The following SLC25A17 variants were observed in gnomAD, a reference collection of about 807,000 sequenced individuals.
SLC25A17 encodes the protein solute carrier family 25 member 17.
Under a neutral mutation model 38.5 loss-of-function variants are expected in SLC25A17, and 26 were observed. That is an observed-to-expected ratio of 0.68 (90% confidence interval 0.50 to 0.94). SLC25A17 has a LOEUF of 0.94. SLC25A17 is among the 40% of genes least tolerant of loss of function. The pLI is 0.00. For missense variants in SLC25A17, 333 were observed against 372.7 expected (o/e 0.89, Z 0.88); for synonymous variants, 139 against 136.2 (o/e 1.02, Z -0.14).
intron 1 of SLC25A17, among the ~76,000 whole-genome samples, chr22:40,815,326 T>C (rs949140097): frequency 1.3e-5 from 2 of 152,152 alleles, no homozygotes; most frequent in African/African-American, 2.4e-5. Context: ...AAACTGGCCA[T>C]GGGCTGGAGG....
intron 4 of SLC25A17, among the ~76,000 whole-genome samples, chr22:40,784,826 T>C (rs1437807881): frequency 6.6e-6 from 1 of 150,478 alleles, no homozygotes; most frequent in Admixed American, 6.6e-5. Context: ...AAAAATAACC[T>C]TGAAGGTTTC....
intron 1 of SLC25A17, among the ~76,000 whole-genome samples, chr22:40,811,513 T>C (rs2057581171): frequency 1.3e-5 from 2 of 152,038 alleles, no homozygotes; most frequent in Admixed American, 6.6e-5. Context: ...CACTGCAACC[T>C]TGGCTTCCCA....
At chr22:40,793,862 C>T (rs770674354) in intron 3 of SLC25A17, among the ~76,000 whole-genome samples, 46 of 152,132 alleles carry the variant, frequency 3.0e-4, no homozygotes, top group Non-Finnish European at 4.0e-4. Flanking sequence ...CCGCCTGCCT[C>T]GGCCTCCCAA....
intron 1 of SLC25A17, among the ~76,000 whole-genome samples, chr22:40,801,544 T>C (rs914619113): frequency 6.6e-6 from 1 of 152,156 alleles, no homozygotes; most frequent in African/African-American, 2.4e-5. Flanking sequence ...TCTTTTCTAG[T>C]CATGATAAAT....
intron 1 of SLC25A17, among the ~76,000 whole-genome samples, chr22:40,803,613 T>C (rs77400548): frequency 0.012 from 1,877 of 151,936 alleles, 43 homozygotes; most frequent in African/African-American, 0.044. Flanking sequence ...TTAACACAGA[T>C]ATGCAGAGGT....
At chr22:40,792,444 C>A in intron 4 of SLC25A17, 81 bp downstream of exon 4, 1 of 1,159,668 alleles carries the variant, frequency 8.6e-7, no homozygotes, top group Non-Finnish European at 1.2e-6. Context: ...GTAAGCATTA[C>A]TTTGGGCTAA....
At chr22:40,796,407 G>A (rs2145681753) in intron 2 of SLC25A17, among the ~76,000 whole-genome samples, 1 of 152,148 alleles carries the variant, frequency 6.6e-6, no homozygotes, top group South Asian at 2.1e-4. Context: ...GGGAGGCTGA[G>A]GTGGGTGGAT....
intron 8 of SLC25A17, among the ~76,000 whole-genome samples, chr22:40,771,847 A>G (rs1224256591): frequency 6.6e-6 from 1 of 152,182 alleles, no homozygotes; most frequent in Non-Finnish European, 1.5e-5. Flanking sequence ...AAAAATAACT[A>G]AAAGAGTATA....
At position 40,819,232 on chromosome 22, in the gene SLC25A17, G is replaced by A. The variant is rs766757571; in HGVS notation, c.17C>T (p.Ser6Phe). 2 of 1,613,796 alleles carry A rather than the reference G, an allele frequency of 1.2e-6. No individual in the cohort carries two copies. The highest frequency in any genetic ancestry group is 1.1e-5 in the South Asian group (1 of 91,074). Residue 6 changes from serine to phenylalanine, a missense_variant, in exon 1 of 9, where the codon TCC becomes TTC. By Grantham distance (155) the Ser-to-Phe change is radical. Coordinates refer to ENST00000435456, the MANE Select transcript of SLC25A17 (RefSeq NM_006358.4). MASVL[S>F]YESLVHAVAG... ...CACGGCGTGGACCAGGCTTTCGTAG[G>A]ACAGCACGGAAGCCATTGGTGCGGC...
chr22:40,809,367 C>T (rs1336310129), intron 1 of SLC25A17, among the ~76,000 whole-genome samples: 1 of 151,832 alleles, frequency 6.6e-6, no homozygotes, highest in Non-Finnish European at 1.5e-5. Context: ...CCTGTAACCC[C>T]ACTTTGGGAG....
intron 8 of SLC25A17, among the ~76,000 whole-genome samples, chr22:40,773,282 C>A (rs945032105): frequency 6.6e-6 from 1 of 151,902 alleles, no homozygotes; most frequent in Admixed American, 6.6e-5. Flanking sequence ...TGGTGGCAGG[C>A]GCCTGTAGTC....
rs1259310966 is a variant in SLC25A17 at position 40,773,958 on chromosome 22, T to G, written c.755A>C (p.Tyr252Ser). ...TCACCTTACTCGTTGGTGAAGAAGATAGAGAATATTCCGAAGACTTCCCAA... is the reference window on the plus strand; with the variant it reads ...TCACCTTACTCGTTGGTGAAGAAGAGAGAGAATATTCCGAAGACTTCCCAA... Reference protein sequence around the residue: ...RTLGSLRNILYLLHQRVRRFG... With the variant: ...RTLGSLRNILSLLHQRVRRFG... Residue 252 changes from tyrosine to serine, a missense_variant, in exon 8 of 9, where the codon TAT becomes TCT. Tyr to Ser is a moderately radical substitution (Grantham distance 144, BLOSUM62 -2). Transcript: ENST00000435456. 1 of 1,611,054 alleles carries G rather than the reference T, an allele frequency of 6.2e-7. No individual in the cohort carries two copies. Among genetic ancestry groups the G allele is most frequent in the Non-Finnish European group, 8.5e-7 (1 of 1,177,396 alleles).
chr22:40,786,358 T>C (rs1443925015), intron 4 of SLC25A17, among the ~76,000 whole-genome samples: 1 of 151,274 alleles, frequency 6.6e-6, no homozygotes, highest in East Asian at 1.9e-4. Context: ...CCAGAAAGAT[T>C]TGATGATGGT....
rs6002142 is a variant in SLC25A17 at position 40,795,350 on chromosome 22, C to T, written c.116-770G>A. On this transcript the variant is annotated intron_variant, in intron 2 of 8. Coordinates refer to ENST00000435456, the MANE Select transcript of SLC25A17 (RefSeq NM_006358.4). ...CTCTGTCACCCAGGCTGGAGTGCAG[C>T]GGCGTGATCTCGGCTCACTGCAAGC... Among the ~76,000 whole-genome samples, 550 of 151,018 alleles carry T rather than the reference C, an allele frequency of 3.6e-3. 5 individuals are homozygous for T. The highest frequency in any genetic ancestry group is 0.013 in the African/African-American group (522 of 41,062).
intron 1 of SLC25A17, among the ~76,000 whole-genome samples, chr22:40,806,802 A>AATCC (rs1277151618): frequency 6.6e-6 from 1 of 152,110 alleles, no homozygotes; most frequent in Non-Finnish European, 1.5e-5. Context: ...ATTTACTCTA[A>AATCC]AGGAAATCAT....
At chr22:40,806,461 A>G (rs1162302875) in intron 1 of SLC25A17, among the ~76,000 whole-genome samples, 1 of 152,210 alleles carries the variant, frequency 6.6e-6, no homozygotes, top group Non-Finnish European at 1.5e-5. Context: ...TGAGCTTGCA[A>G]GAAAGTAAGG....
chr22:40,814,942 C>T (rs1024649683), intron 1 of SLC25A17, among the ~76,000 whole-genome samples: 1 of 151,874 alleles, frequency 6.6e-6, no homozygotes, highest in Non-Finnish European at 1.5e-5. Context: ...GCCTCAGCCT[C>T]CCGAGTAGCT....
In SLC25A17 at chr22:40,804,149, G is replaced by T. The variant is rs544931848; in HGVS notation, c.55-5066C>A. On this transcript the variant is annotated intron_variant, in intron 1 of 8. Coordinates refer to ENST00000435456, the MANE Select transcript of SLC25A17 (RefSeq NM_006358.4). Reference sequence around the variant, plus strand: ...TTCAATCCCAATTCGGGCTTCAAAGGACTAGCAAAAGGAGTCCTTTTAATA... The same window carrying T: ...TTCAATCCCAATTCGGGCTTCAAAGTACTAGCAAAAGGAGTCCTTTTAATA... 3.9e-5 allele frequency among the ~76,000 whole-genome samples: 6 copies of T among 152,164 alleles called. No homozygotes were observed. In the East Asian group the frequency reaches 1.2e-3, roughly 29 times the overall value.
intron 4 of SLC25A17, among the ~76,000 whole-genome samples, chr22:40,782,672 C>T (rs890443982): frequency 6.6e-6 from 1 of 152,198 alleles, no homozygotes; most frequent in Non-Finnish European, 1.5e-5. Context: ...ACAAATCTCA[C>T]TTGACTCCGT....
Sources: gnomAD v4.1 joint callset for allele counts (sites outside exome capture counted in the v4.1 genomes callset) on GRCh38, gnomAD v4.1.1 for gene constraint, MANE v1.5 for transcripts, NCBI Gene and HGNC (gene_info 2026-07-23, HGNC 2026-07-21) for gene names.